Variants in MBNL2 observed in about 807,000 individuals in gnomAD.
MBNL2 encodes the protein muscleblind like splicing regulator 2.
In MBNL2, 17 loss-of-function variants were observed where a neutral mutation model predicts 41.9. The ratio of observed to expected loss-of-function variants is 0.41; its 90% confidence interval spans 0.28 to 0.61. MBNL2 has a LOEUF of 0.61. MBNL2 is among the 20% of genes least tolerant of loss of function. MBNL2 has a pLI of 0.35. For missense variants in MBNL2, 336 were observed against 505.6 expected, an observed-to-expected ratio of 0.66 and a Z score of 3.22; for synonymous variants, 195 against 182.9, an observed-to-expected ratio of 1.07 and a Z score of -0.53.
rs540705869 is a variant in MBNL2 at position 97,385,075 on chromosome 13, C to G, written c.1049-6247C>G. Among the ~76,000 whole-genome samples, 14 of 152,290 alleles carry G rather than the reference C, an allele frequency of 9.2e-5. No individual in the cohort carries two copies. In the South Asian group the frequency reaches 2.9e-3, roughly 32 times the overall value. The stretch of plus-strand genomic sequence containing the variant: ...TTCTTTTTCTGCCCCATTCCTGTTT[C>G]TCCCATGAATGGTCTGGTGGTCTTC... On this transcript the variant is annotated intron_variant, in intron 8 of 8. Transcript: ENST00000679496.
At chr13:97,281,910 A>C (rs1183494483) in intron 2 of MBNL2, among the ~76,000 whole-genome samples, 1 of 152,238 alleles carries the variant, frequency 6.6e-6, no homozygotes, top group Non-Finnish European at 1.5e-5. Flanking sequence ...GCCTCACTCC[A>C]GGTAAGTGTG....
At chr13:97,157,018 A>G in the MBNL2 span, among the ~76,000 whole-genome samples, 7 of 149,110 alleles carry the variant, frequency 4.7e-5, no homozygotes, top group Middle Eastern at 3.2e-3. Context: ...GATTCTTCCT[A>G]CCCATGAGCA....
chr13:97,249,451 A>G (rs1207180615), intron 1 of MBNL2, among the ~76,000 whole-genome samples: 11 of 152,274 alleles, frequency 7.2e-5, no homozygotes, highest in Non-Finnish European at 1.5e-4. Flanking sequence ...GGAAAAATAT[A>G]TAACATTTAA....
chr13:97,153,888 A>G, the MBNL2 span, among the ~76,000 whole-genome samples: 2 of 152,174 alleles, frequency 1.3e-5, no homozygotes, highest in Admixed American at 1.3e-4. Context: ...TTTCTCCTAT[A>G]TATCACTCCT....
At chr13:97,290,524 A>AAATT (rs1173749920) in intron 2 of MBNL2, among the ~76,000 whole-genome samples, 1 of 151,632 alleles carries the variant, frequency 6.6e-6, no homozygotes, top group African/African-American at 2.4e-5. Context: ...AAAATACAAA[A>AAATT]AATTAGCCGG....
intron 2 of MBNL2, among the ~76,000 whole-genome samples, chr13:97,318,201 T>C (rs561539750): frequency 6.6e-6 from 1 of 152,332 alleles, no homozygotes; most frequent in African/African-American, 2.4e-5. Flanking sequence ...AAGGAGATCA[T>C]TCCTGTAAAG....
the MBNL2 span, among the ~76,000 whole-genome samples, chr13:97,157,767 CT>C: frequency 6.7e-6 from 1 of 149,876 alleles, no homozygotes; most frequent in Non-Finnish European, 1.5e-5. Flanking sequence ...GGTGGATAAG[CT>C]TTTTGATGTG....
chr13:97,383,465 A>G (rs960092375), intron 8 of MBNL2, among the ~76,000 whole-genome samples: 1 of 152,168 alleles, frequency 6.6e-6, no homozygotes, highest in Non-Finnish European at 1.5e-5. Context: ...TTAAATGACA[A>G]TTTTTCTTTA....
At chr13:97,282,716 C>T (rs1237417230) in intron 2 of MBNL2, among the ~76,000 whole-genome samples, 2 of 152,214 alleles carry the variant, frequency 1.3e-5, no homozygotes, top group Non-Finnish European at 2.9e-5. Flanking sequence ...CATTTGGCTT[C>T]AGCTGTTCTG....
intron 5 of MBNL2, among the ~76,000 whole-genome samples, chr13:97,349,364 G>A (rs779308002): frequency 1.3e-5 from 2 of 152,108 alleles, no homozygotes; most frequent in Admixed American, 6.5e-5. Flanking sequence ...TACACATTTT[G>A]CCAATGCGAC....
At chr13:97,216,889 G>T (rs1012436480), upstream of MBNL2, among the ~76,000 whole-genome samples, 1 of 150,422 alleles carries the variant, frequency 6.6e-6, no homozygotes, top group Non-Finnish European at 1.5e-5. Flanking sequence ...TACATATGTA[G>T]TATATTTACA....
chr13:97,216,946 A>AT (rs1438496574), upstream of MBNL2, among the ~76,000 whole-genome samples: 1 of 149,326 alleles, frequency 6.7e-6, no homozygotes, highest in Non-Finnish European at 1.5e-5. Context: ...TATAATATGC[A>AT]TATTATATAC....
At chr13:97,368,687 G>A (rs2064083883) in intron 8 of MBNL2, among the ~76,000 whole-genome samples, 1 of 144,514 alleles carries the variant, frequency 6.9e-6, no homozygotes, top group South Asian at 2.2e-4. Context: ...AGATTCCATA[G>A]GTATATTCAA....
chr13:97,214,172 G>A, the MBNL2 span, among the ~76,000 whole-genome samples: 1 of 145,636 alleles, frequency 6.9e-6, no homozygotes, highest in Non-Finnish European at 1.5e-5. Context: ...AAGCATCAAA[G>A]AAATAGAAAA....
intron 8 of MBNL2, among the ~76,000 whole-genome samples, chr13:97,382,217 C>T (rs746835915): frequency 2.0e-5 from 3 of 152,214 alleles, no homozygotes; most frequent in Non-Finnish European, 4.4e-5. Flanking sequence ...GTTTGAAATT[C>T]AGTTCTCCTA....
intron 2 of MBNL2, among the ~76,000 whole-genome samples, chr13:97,316,123 G>C (rs1424722755): frequency 2.6e-5 from 4 of 152,164 alleles, no homozygotes; most frequent in Admixed American, 2.6e-4. Flanking sequence ...ACATTTGCTT[G>C]AGCCGTGCTT....
At chr13:97,149,123 T>C in the MBNL2 span, among the ~76,000 whole-genome samples, 680 of 152,212 alleles carry the variant, frequency 4.5e-3, 6 homozygotes, top group African/African-American at 0.016. Context: ...CAGTGAACTG[T>C]GTGGGTGTAA....
At chr13:97,377,348 G>A (rs997312155) in intron 8 of MBNL2, among the ~76,000 whole-genome samples, 3 of 152,102 alleles carry the variant, frequency 2.0e-5, no homozygotes, top group Non-Finnish European at 4.4e-5. Context: ...TTTACATAAG[G>A]GATTAGGATA....
intron 2 of MBNL2, among the ~76,000 whole-genome samples, chr13:97,300,509 C>T (rs1428774098): frequency 1.3e-5 from 2 of 152,130 alleles, no homozygotes; most frequent in African/African-American, 4.8e-5. Flanking sequence ...ATAGGGTTCC[C>T]ACTCCTGTGA....
Sources: allele counts gnomAD v4.1 joint callset (sites outside exome capture counted in the v4.1 genomes callset), GRCh38; gene constraint gnomAD v4.1.1; transcripts MANE v1.5; gene names NCBI Gene and HGNC (gene_info 2026-07-23, HGNC 2026-07-21).